Variants in SUMF1 observed in about 807,000 individuals in gnomAD.
The protein encoded by SUMF1 is formylglycine-generating enzyme.
A neutral mutation model predicts 47.6 loss-of-function variants in SUMF1; 48 were observed. The ratio of observed to expected loss-of-function variants is 1.01; its 90% confidence interval spans 0.80 to 1.28. The LOEUF is 1.28. SUMF1 is among the 50% of genes most tolerant of loss of function. The probability of loss-of-function intolerance (pLI) is 0.00; values close to 1 mark genes in which losing one functional copy is unlikely to be tolerated. For synonymous variants in SUMF1, 230 were observed against 192.1 expected (o/e 1.20, Z -1.63); for missense variants, 571 against 485.4 (o/e 1.18, Z -1.66).
At chr3:4,296,708 T>G (rs1043090357) in intron 8 of SUMF1, among the ~76,000 whole-genome samples, 2 of 152,058 alleles carry the variant, frequency 1.3e-5, no homozygotes, top group African/African-American at 2.4e-5. Context: ...CAAGATGAGA[T>G]TTGGATGGGA....
chr3:4,295,027 C>T (rs998933151), intron 8 of SUMF1, among the ~76,000 whole-genome samples: 2 of 152,166 alleles, frequency 1.3e-5, no homozygotes, highest in Non-Finnish European at 2.9e-5. Context: ...ATTCTTTTTA[C>T]GACAAACTTT....
At chr3:4,066,920 C>T (rs759130412) in intron 9 of SUMF1, among the ~76,000 whole-genome samples, 4 of 152,120 alleles carry the variant, frequency 2.6e-5, no homozygotes, top group Non-Finnish European at 5.9e-5. Flanking sequence ...TCCTTGTTTG[C>T]CCTATCCTCT....
intron 8 of SUMF1, among the ~76,000 whole-genome samples, chr3:4,179,951 C>A (rs1386248965): frequency 1.3e-5 from 2 of 152,182 alleles, no homozygotes; most frequent in Non-Finnish European, 2.9e-5. Context: ...AAATTCACAT[C>A]ATCACTGGTC....
intron 7 of SUMF1, among the ~76,000 whole-genome samples, chr3:4,390,639 G>C (rs1472637985): frequency 6.6e-6 from 1 of 152,158 alleles, no homozygotes; most frequent in Non-Finnish European, 1.5e-5. Flanking sequence ...CTGGAGTACA[G>C]TGGCACGATC....
intron 8 of SUMF1, among the ~76,000 whole-genome samples, chr3:4,283,411 C>T (rs555728923): frequency 2.0e-5 from 3 of 152,322 alleles, no homozygotes; most frequent in South Asian, 2.1e-4. Flanking sequence ...AATATTAATA[C>T]GTTCTCCAAC....
In SUMF1 at chr3:4,448,284, TC is replaced by T. The variant is rs1338426490; in HGVS notation, c.519+981del. Among the ~76,000 whole-genome samples, 8 of 152,318 alleles carry T rather than the reference TC, an allele frequency of 5.3e-5. No homozygotes were observed. In the East Asian group the frequency reaches 1.5e-3, roughly 29 times the overall value. ...AAAGCAAACATAAGCCAGGACAGTT[TC>T]GTTTTTCTTGCACTGCACTGCTGCT... On this transcript the variant is annotated intron_variant, in intron 3 of 8. Coordinates refer to ENST00000272902, the MANE Select transcript of SUMF1 (RefSeq NM_182760.4).
intron 8 of SUMF1, among the ~76,000 whole-genome samples, chr3:4,335,480 C>T (rs1464906496): frequency 6.6e-6 from 1 of 152,222 alleles, no homozygotes; most frequent in East Asian, 1.9e-4. Flanking sequence ...TCTCCACCAT[C>T]ACGGAAGTGG....
chr3:4,231,610 T>C (rs776937661), intron 8 of SUMF1, among the ~76,000 whole-genome samples: 1 of 152,152 alleles, frequency 6.6e-6, no homozygotes, highest in African/African-American at 2.4e-5. Flanking sequence ...CTGCTTTGCA[T>C]GCAAAGAAGG....
intron 8 of SUMF1, among the ~76,000 whole-genome samples, chr3:4,071,347 C>T (rs1213789908): frequency 2.6e-5 from 4 of 152,136 alleles, no homozygotes; most frequent in African/African-American, 4.8e-5. Flanking sequence ...GGTGGGGCAT[C>T]GCCTCACCTG....
At chr3:4,075,393 G>T (rs1345847682) in intron 8 of SUMF1, among the ~76,000 whole-genome samples, 1 of 151,888 alleles carries the variant, frequency 6.6e-6, no homozygotes, top group Admixed American at 6.6e-5. Context: ...ACACCAAATG[G>T]GCAAAAACTG....
chr3:4,341,130 AC>A (rs372821870), intron 8 of SUMF1, among the ~76,000 whole-genome samples: 17 of 152,208 alleles, frequency 1.1e-4, no homozygotes, highest in African/African-American at 3.9e-4. Context: ...CCAAAAAGTA[AC>A]AAAAAACATC....
chr3:4,219,978 A>T (rs995794863), intron 8 of SUMF1, among the ~76,000 whole-genome samples: 1 of 151,148 alleles, frequency 6.6e-6, no homozygotes, highest in Non-Finnish European at 1.5e-5. Context: ...GCTGGAGTAG[A>T]AAGACTGGCG....
intron 9 of SUMF1, among the ~76,000 whole-genome samples, chr3:4,046,027 G>A (rs1695000511): frequency 6.6e-6 from 1 of 152,034 alleles, no homozygotes; most frequent in Admixed American, 6.6e-5. Context: ...GTCCAACCTG[G>A]GGGACACAGC....
At chr3:4,183,737 T>C (rs1695142986) in intron 8 of SUMF1, among the ~76,000 whole-genome samples, 1 of 152,300 alleles carries the variant, frequency 6.6e-6, no homozygotes, top group African/African-American at 2.4e-5. Context: ...CCTGCCTATA[T>C]GATTCTTGGA....
At chr3:4,274,002 T>C (rs141527639) in intron 8 of SUMF1, among the ~76,000 whole-genome samples, 2,054 of 152,022 alleles carry the variant, frequency 0.014, 50 homozygotes, top group African/African-American at 0.047. Flanking sequence ...CCTCAATGTT[T>C]AGCATCTAAA....
At chr3:4,191,367 T>C (rs7647697) in intron 8 of SUMF1, among the ~76,000 whole-genome samples, 3,266 of 152,058 alleles carry the variant, frequency 0.021, 109 homozygotes, top group African/African-American at 0.075. Context: ...AAGGAAGAAA[T>C]TTAGGCAAAG....
chr3:4,340,521 A>G (rs151173989), intron 8 of SUMF1, among the ~76,000 whole-genome samples: 161 of 152,354 alleles, frequency 1.1e-3, no homozygotes, highest in South Asian at 2.3e-3. Context: ...CTTTCACTAC[A>G]GTGAAGAGAA....
intron 8 of SUMF1, among the ~76,000 whole-genome samples, chr3:4,095,162 A>G (rs1380147030): frequency 6.6e-6 from 1 of 152,118 alleles, no homozygotes; most frequent in African/African-American, 2.4e-5. Context: ...GCTTGTTCAA[A>G]GGAATAATGA....
intron 8 of SUMF1, among the ~76,000 whole-genome samples, chr3:4,137,220 C>G (rs1693954262): frequency 6.6e-6 from 1 of 152,034 alleles, no homozygotes; most frequent in Non-Finnish European, 1.5e-5. Context: ...TTGGAACCAA[C>G]CCAAATGTCC....
Sources: allele counts gnomAD v4.1 joint callset (sites outside exome capture counted in the v4.1 genomes callset), GRCh38; gene constraint gnomAD v4.1.1; transcripts MANE v1.5; gene names NCBI Gene and HGNC (gene_info 2026-07-23, HGNC 2026-07-21).